Variants in CD5 observed in about 807,000 individuals in gnomAD.
CD5 encodes CD5 molecule.
Under a neutral mutation model 60.3 loss-of-function variants are expected in CD5, and 36 were observed. That is an observed-to-expected ratio of 0.60 (90% CI 0.46 to 0.79). The LOEUF (loss-of-function observed/expected upper bound fraction) is 0.79. Ranked by LOEUF, CD5 falls within the 30% of genes least tolerant of loss-of-function variation. CD5 has a pLI of 0.00. For synonymous variants in CD5, 230 were observed against 257.6 expected (o/e 0.89, Z 1.03); for missense variants, 540 against 630.6 (o/e 0.86, Z 1.54).
upstream of CD5, chr11:61,102,440 TCCCACCCCTCCCTGAGCAC>T: frequency 2.0e-6 from 1 of 507,684 alleles, no homozygotes; most frequent in Non-Finnish European, 3.6e-6. Flanking sequence ...CTGCTCCCCG[TCCCACCCCTCCCTGAGCAC>T]GCCACCCCGC....
Position 61,102,496 on chromosome 11 carries a change from C to T in CD5, c.-65C>T, listed in dbSNP as rs1860708012. On this transcript the variant is annotated 5_prime_UTR_variant, in exon 1 of 11. Coordinates refer to ENST00000347785, the MANE Select transcript of CD5 (RefSeq NM_014207.4). ...CTCTCCCTCTCTGAGAGCGAGATACCCGGCCAGACACCCTCACCTGCGGTG... is the reference window on the plus strand; with the variant it reads ...CTCTCCCTCTCTGAGAGCGAGATACTCGGCCAGACACCCTCACCTGCGGTG... 4.5e-5 allele frequency: 58 copies of T among 1,284,926 alleles called. No individual in the cohort carries two copies. Among genetic ancestry groups the T allele is most frequent in the Non-Finnish European group, 6.2e-5 (57 of 915,316 alleles). The allele number at this position is 1,284,926 out of a possible 1,614,324, so 79.6% of individuals were successfully genotyped here. A position where few individuals can be genotyped will look rare whatever the true frequency, so the allele number is the denominator to read the frequency against.
At chr11:61,103,324 G>A (rs1437373997) in intron 1 of CD5, among the ~76,000 whole-genome samples, 1 of 152,198 alleles carries the variant, frequency 6.6e-6, no homozygotes, top group African/African-American at 2.4e-5. Flanking sequence ...GAAATGTGGG[G>A]GTTGGGGGTG....
chr11:61,098,611 T>G (rs1860613900), upstream of CD5, among the ~76,000 whole-genome samples: 1 of 152,198 alleles, frequency 6.6e-6, no homozygotes, highest in Non-Finnish European at 1.5e-5. Flanking sequence ...TGTTCCATTC[T>G]AATTATCAGT....
In CD5 at chr11:61,125,086, C is replaced by T. The variant is rs147612862; in HGVS notation, c.1334C>T (p.Thr445Ile). 3.6e-5 allele frequency: 58 copies of T among 1,614,038 alleles called. No individual in the cohort carries two copies. The African/African-American group carries it at 5.9e-4, about 16-fold the overall frequency. Residue 445 changes from threonine to isoleucine, a missense_variant, in exon 9 of 11, where the codon ACA (threonine) becomes ATA (isoleucine). Coordinates refer to ENST00000347785, the MANE Select transcript of CD5 (RefSeq NM_014207.4). ...ATVRSHAENPTASHVDNEYSQ... is the reference protein window; with the variant it reads ...ATVRSHAENPIASHVDNEYSQ... ...GTCCGATCCCATGCTGAGAACCCCA[C>T]AGCCTCCCACGTGGATAACGAATAC...
At chr11:61,122,558 C>T (rs191582393) in intron 6 of CD5, among the ~76,000 whole-genome samples, 1 of 152,038 alleles carries the variant, frequency 6.6e-6, no homozygotes, top group East Asian at 1.9e-4. Context: ...GAATAGAGGC[C>T]CCGCTGGCTA....
At chr11:61,125,180 G>A (rs376277083) in intron 9 of CD5, 29 bp downstream of exon 9, 114 of 1,612,964 alleles carry the variant, frequency 7.1e-5, no homozygotes, top group East Asian at 1.1e-4. Flanking sequence ...TCCCAGGCAC[G>A]CAGGCAGGGC....
At chr11:61,105,728 T>TC (rs918603984) in intron 1 of CD5, among the ~76,000 whole-genome samples, 88 of 152,282 alleles carry the variant, frequency 5.8e-4, no homozygotes, top group African/African-American at 1.9e-3. Context: ...CTCCTGTGCA[T>TC]CCAGCTCTGT....
chr11:61,109,273 A>C (rs1341766755), intron 1 of CD5, among the ~76,000 whole-genome samples: 1 of 152,228 alleles, frequency 6.6e-6, no homozygotes, highest in Non-Finnish European at 1.5e-5. Context: ...TAATCTTGAC[A>C]CATCCCCCTT....
Position 61,124,993 on chromosome 11 carries a change from C to T in CD5, c.1280-39C>T, listed in dbSNP as rs1565187943. The T allele has an allele frequency of 3.1e-6, 5 of 1,612,948 alleles. No individual in the cohort carries two copies. The East Asian group carries it at 8.9e-5, about 29-fold the overall frequency. On this transcript the variant is annotated intron_variant, in intron 8 of 10. Coordinates refer to ENST00000347785, the MANE Select transcript of CD5 (RefSeq NM_014207.4). ...CTGCTGGGGAAGGAGACGGAGGACA[C>T]AGCCACAAGTCTGACACTGTCTCCT...
intron 1 of CD5, among the ~76,000 whole-genome samples, chr11:61,111,642 C>T (rs1590768731): frequency 6.6e-6 from 1 of 152,172 alleles, no homozygotes; most frequent in South Asian, 2.1e-4. Context: ...CTTGAAAAGT[C>T]GTAAGTTGAA....
chr11:61,116,681 A>C (rs796307905), intron 2 of CD5, among the ~76,000 whole-genome samples: 1 of 5,592 alleles, frequency 1.8e-4, no homozygotes, highest in Non-Finnish European at 3.7e-4. Flanking sequence ...CACACACACT[A>C]CACACACCAC....
chr11:61,118,962 A>C lies in CD5; in HGVS notation c.448A>C (p.Thr150Pro). ...PPTTRPPPTTTPEPTAPPRLQ... is the reference protein window; with the variant it reads ...PPTTRPPPTTPPEPTAPPRLQ... ...AACGACAAGGCCCCCGCCCACCACA[A>C]CTCCAGAGCCCACAGGTAAGAGGAT... Residue 150 changes from threonine to proline, a missense_variant, in exon 4 of 11, where the codon ACT (threonine) becomes CCT (proline). Transcript: ENST00000347785. This position sits in a 1 kb window ranked among gnomAD's most constrained non-coding sequence, Gnocchi z 4.7. 1 of 1,613,260 alleles carries C rather than the reference A, an allele frequency of 6.2e-7. No homozygotes were observed. The highest frequency in any genetic ancestry group is 8.5e-7 in the Non-Finnish European group (1 of 1,179,598).
intron 1 of CD5, 94 bp downstream of exon 1, chr11:61,102,709 C>T (rs1430026118): frequency 1.8e-6 from 2 of 1,085,752 alleles, no homozygotes; most frequent in Admixed American, 4.0e-5. Context: ...CTCTGGGATC[C>T]ACATGTCAGC....
At chr11:61,122,599 G>A (rs1253164562) in intron 6 of CD5, among the ~76,000 whole-genome samples, 6 of 152,138 alleles carry the variant, frequency 3.9e-5, no homozygotes. Context: ...GGTTTCTGAT[G>A]GTATATGATG....
chr11:61,117,614 G>A (rs938120732), intron 2 of CD5, among the ~76,000 whole-genome samples: 4 of 151,828 alleles, frequency 2.6e-5, no homozygotes, highest in Admixed American at 1.3e-4. Context: ...TCAGCCTCCC[G>A]AGTAGCTAGG....
chr11:61,100,098 ACACACACATCAACATGGAGATCACATT>A, upstream of CD5, among the ~76,000 whole-genome samples: 1 of 144,200 alleles, frequency 6.9e-6, no homozygotes, highest in Non-Finnish European at 1.5e-5. Context: ...CATGGAGATC[ACACACACATCAACATGGAGATCACATT>A]CACACACATC....
In CD5 at chr11:61,126,982, C is replaced by G. The variant is rs1378728558; in HGVS notation, c.*697C>G. The G allele has an allele frequency of 1.3e-5, 2 of 152,304 alleles. No homozygotes were observed. The allele number at this position is 152,304 out of a possible 1,614,324, so 9.4% of individuals were successfully genotyped here. A position where few individuals can be genotyped will look rare whatever the true frequency, so the allele number is the denominator to read the frequency against. ...CTAAAGACACCTTCCTTTCCACTGGCTGTCAAGCCCACAGGGCACCAGTGC... is the reference window on the plus strand; with the variant it reads ...CTAAAGACACCTTCCTTTCCACTGGGTGTCAAGCCCACAGGGCACCAGTGC... On this transcript the variant is annotated 3_prime_UTR_variant, in exon 11 of 11. Coordinates refer to ENST00000347785, the MANE Select transcript of CD5 (RefSeq NM_014207.4).
intron 1 of CD5, among the ~76,000 whole-genome samples, chr11:61,103,009 G>A (rs892492011): frequency 4.6e-5 from 7 of 152,202 alleles, no homozygotes; most frequent in South Asian, 2.1e-4. Context: ...TTACTTGGTC[G>A]CCTCCAGAGA....
Position 61,118,741 on chromosome 11 carries a change from A to AGTGGG in CD5, c.401-169_401-165dup, listed in dbSNP as rs1370689327. 6.6e-6 allele frequency among the ~76,000 whole-genome samples: 1 copy of AGTGGG among 152,188 alleles called. No homozygotes were observed. Among genetic ancestry groups the AGTGGG allele is most frequent in the African/African-American group, 2.4e-5 (1 of 41,450 alleles). Reference sequence around the variant, plus strand: ...TGAACCTCCATTCTCCCATCTGTGAAGTGGGGTGGTACTTCCCGCCTCGCA... The same window carrying AGTGGG: ...TGAACCTCCATTCTCCCATCTGTGAAGTGGGGTGGGGTGGTACTTCCCGCCTCGCA... On this transcript the variant is annotated intron_variant, in intron 3 of 10. Coordinates refer to ENST00000347785, the MANE Select transcript of CD5 (RefSeq NM_014207.4). The surrounding 1 kb of genome is among the most constrained non-coding windows in gnomAD (Gnocchi z 4.7).
Sources: allele counts gnomAD v4.1 joint callset (sites outside exome capture counted in the v4.1 genomes callset), GRCh38; gene constraint gnomAD v4.1.1; non-coding constraint Gnocchi (gnomAD v3.1); transcripts MANE v1.5; gene names NCBI Gene and HGNC (gene_info 2026-07-23, HGNC 2026-07-21).